Variants in PRR14L observed in about 807,000 individuals in gnomAD.
PRR14L encodes proline rich 14 like.
In PRR14L, 80 loss-of-function variants were observed where a neutral mutation model predicts 155.0. The ratio of observed to expected loss-of-function variants is 0.52; its 90% CI spans 0.43 to 0.62. The LOEUF is 0.62. PRR14L is among the 20% of genes least tolerant of loss of function. The probability of loss-of-function intolerance (pLI) is 0.00; values close to 1 mark genes in which losing one functional copy is unlikely to be tolerated. For missense variants in PRR14L, 2,469 were observed against 2,548.0 expected (o/e 0.97, Z 0.67); for synonymous variants, 883 against 916.0 (o/e 0.96, Z 0.65).
At position 31,714,506 on chromosome 22, in the gene PRR14L, C is replaced by T. The variant is rs1318328111; in HGVS notation, c.3333G>A (p.Gln1111=). The part of the protein sequence containing the change: ...LDAAHTGTTG[Q]DSDFPVTAAS... Reference sequence around the variant, plus strand: ...CAGCAGTAACTGGGAAATCTGAATCCTGACCAGTTGTTCCTGTATGTGCAG... The same window carrying T: ...CAGCAGTAACTGGGAAATCTGAATCTTGACCAGTTGTTCCTGTATGTGCAG... Residue 1111 remains glutamine, a synonymous_variant, in exon 4 of 9, where the codon CAG becomes CAA. Transcript: ENST00000327423. 5.8e-6 allele frequency: 9 copies of T among 1,552,146 alleles called. No homozygotes were observed. The South Asian group carries it at 8.3e-5, about 14-fold the overall frequency.
At chr22:31,707,833 T>C (rs1405005437) in intron 4 of PRR14L, among the ~76,000 whole-genome samples, 1 of 152,222 alleles carries the variant, frequency 6.6e-6, no homozygotes, top group Non-Finnish European at 1.5e-5. Flanking sequence ...CATGGCTGTC[T>C]TTATAATAAG....
chr22:31,724,006 G>A (rs1365398852), intron 3 of PRR14L, among the ~76,000 whole-genome samples: 3 of 152,134 alleles, frequency 2.0e-5, no homozygotes, highest in East Asian at 1.9e-4. Flanking sequence ...CCTGAGCTCC[G>A]CCTCCTGCCA....
At position 31,738,652 on chromosome 22, in the gene PRR14L, G is replaced by A. The variant is rs1328108979; in HGVS notation, c.209C>T (p.Thr70Ile). The change falls in exon 2 of 9, where the codon ACT (threonine) becomes ATT (isoleucine). Residue 70 changes from threonine to isoleucine, a missense_variant. This residue lies in a region of PRR14L where 2,363 missense variants were observed against 2,371.6 expected (regional missense o/e 1.00). Coordinates refer to ENST00000327423, the MANE Select transcript of PRR14L (RefSeq NM_173566.3). ...TTCTTCACAACAACTCTCCACATGA[G>A]TCCTCTGCAGCTCCAAGGGCAATGC... ...NRALPLELQR[T>I]HVESCCEETY... 1.3e-5 allele frequency: 20 copies of A among 1,552,070 alleles called. No homozygotes were observed. The East Asian group carries it at 4.9e-4, about 38-fold the overall frequency.
rs149825466 is a variant in PRR14L at position 31,730,600 on chromosome 22, T to C, written c.475-4990A>G. Among the ~76,000 whole-genome samples, 43 of 152,352 alleles carry C rather than the reference T, an allele frequency of 2.8e-4. No homozygotes were observed. The East Asian group carries it at 7.7e-3, about 27-fold the overall frequency. On this transcript the variant is annotated intron_variant, in intron 2 of 8. Transcript: ENST00000327423. ...TCTATCACTTGGTTTGGGTGGATTC[T>C]GCCAGGTTTCTCCATTGTGAAGTTA...
intron 4 of PRR14L, among the ~76,000 whole-genome samples, chr22:31,707,388 A>AT (rs1335780794): frequency 1.3e-5 from 2 of 151,328 alleles, no homozygotes. Flanking sequence ...GGCACAACCT[A>AT]TTTTTTTTGG....
chr22:31,725,330 C>T (rs1241348575), intron 3 of PRR14L, among the ~76,000 whole-genome samples: 6 of 152,070 alleles, frequency 3.9e-5, no homozygotes, highest in African/African-American at 9.7e-5. Context: ...CACTTGAGCC[C>T]GGGAGGTTGA....
In PRR14L at chr22:31,712,806, C is replaced by T. The variant is rs1601503264; in HGVS notation, c.5033G>A (p.Gly1678Glu). 1 of 1,552,116 alleles carries T rather than the reference C, an allele frequency of 6.4e-7. No homozygotes were observed. The highest frequency in any genetic ancestry group is 2.4e-5 in the East Asian group (1 of 40,920). ...EQLNPYLAAS[G>E]WDKRPNSKPM... ...CTTACTGTTAGGCCTCTTATCCCAT[C>T]CACTAGCTGCCAAATATGGATTCAG... The change falls in exon 4 of 9, where the codon GGA becomes GAA. Residue 1678 changes from glycine to glutamate, a missense_variant. By Grantham distance (98) the Gly-to-Glu change is moderately conservative. This residue lies in a region of PRR14L where 2,363 missense variants were observed against 2,371.6 expected (regional missense o/e 1.00). Coordinates refer to ENST00000327423, the MANE Select transcript of PRR14L (RefSeq NM_173566.3).
intron 1 of PRR14L, among the ~76,000 whole-genome samples, chr22:31,743,733 C>T (rs1186069129): frequency 3.3e-5 from 5 of 150,866 alleles, no homozygotes; most frequent in African/African-American, 7.3e-5. Context: ...ACCTGGAAGG[C>T]GGAGGCTGCA....
chr22:31,684,684 T>C lies in PRR14L; in HGVS notation c.*843A>G, dbSNP rs2074473347. On this transcript the variant is annotated 3_prime_UTR_variant, in exon 9 of 9. Transcript: ENST00000327423. The stretch of plus-strand genomic sequence containing the variant: ...AACACATGAATAGGAAAAATGTCTC[T>C]TCCATGCAGCGATCAACTGGGTCAA... 2 of 152,174 alleles carry C rather than the reference T, an allele frequency of 1.3e-5. No individual in the cohort carries two copies. The highest frequency in any genetic ancestry group is 4.1e-4 in the South Asian group (2 of 4,830). The allele number at this position is 152,174 out of a possible 1,614,324, so 9.4% of individuals were successfully genotyped here.
rs945321879 is a variant in PRR14L at position 31,731,355 on chromosome 22, G to A, written c.475-5745C>T. On this transcript the variant is annotated intron_variant, in intron 2 of 8. Coordinates refer to ENST00000327423, the MANE Select transcript of PRR14L (RefSeq NM_173566.3). ...CGAGGTGGGCGGATCACGAGGTCAG[G>A]AGATTGAGACCATCCTGGCTAACAC... Among the ~76,000 whole-genome samples the A allele has an allele frequency of 7.9e-5, 12 of 152,036 alleles. 1 individual carries two copies. The South Asian group carries it at 1.9e-3, about 24-fold the overall frequency.
At chr22:31,726,192 G>A (rs1017179670) in intron 2 of PRR14L, among the ~76,000 whole-genome samples, 18 of 151,484 alleles carry the variant, frequency 1.2e-4, no homozygotes, top group Admixed American at 2.6e-4. Context: ...AAGACTGTGC[G>A]CGCTGTCAGC....
intron 2 of PRR14L, among the ~76,000 whole-genome samples, chr22:31,730,380 G>T (rs2074742170): frequency 6.6e-6 from 1 of 152,194 alleles, no homozygotes; most frequent in African/African-American, 2.4e-5. Context: ...GGAGGCGAAG[G>T]TTGCAGTGAG....
In PRR14L at chr22:31,725,527, GAAAT is replaced by G. The variant is rs2074711643; in HGVS notation, c.547+7_547+10del. The G allele has an allele frequency of 6.5e-7, 1 of 1,527,252 alleles. No homozygotes were observed. The highest frequency in any genetic ancestry group is 2.5e-5 in the East Asian group (1 of 40,802). The allele number at this position is 1,527,252 out of a possible 1,614,324, so 94.6% of individuals were successfully genotyped here. A position where few individuals can be genotyped will look rare whatever the true frequency, so the allele number is the denominator to read the frequency against. On this transcript the variant is annotated splice_region_variant and intron_variant, in intron 3 of 8. Transcript: ENST00000327423. ...AGTGGATAAAGGAAGAGATTTGAGA[GAAAT>G]AAATACCTTTGCTCCTTAGAAAATC...
rs563395435 is a variant in PRR14L, at chr22:31,738,632, C to T, written c.229G>A (p.Glu77Lys). ...LQRTHVESCC[E>K]ETYETLDHGS... ...TGATCCAAGGTCTCATAGGTTTCTTCACAACAACTCTCCACATGAGTCCTC... is the reference window on the plus strand; with the variant it reads ...TGATCCAAGGTCTCATAGGTTTCTTTACAACAACTCTCCACATGAGTCCTC... The change falls in exon 2 of 9, where the codon GAA (glutamate) becomes AAA (lysine). Residue 77 changes from glutamate (E) to lysine (K), a missense_variant. Physicochemically the swap from Glu to Lys is moderately conservative, Grantham distance 56. Transcript: ENST00000327423. The T allele has an allele frequency of 2.7e-5, 42 of 1,551,992 alleles. No homozygotes were observed. The highest frequency in any genetic ancestry group is 3.4e-5 in the Non-Finnish European group (39 of 1,147,102).
intron 1 of PRR14L, among the ~76,000 whole-genome samples, chr22:31,745,841 T>C (rs1352322126): frequency 7.8e-6 from 1 of 127,878 alleles, no homozygotes; most frequent in Non-Finnish European, 1.6e-5. Context: ...GGAGACTCAG[T>C]TTAAAAAAAA....
rs979686835 is a variant in PRR14L, at chr22:31,712,403, T to C, written c.5436A>G (p.Arg1812=). The C allele has an allele frequency of 1.9e-6, 3 of 1,592,326 alleles. No individual in the cohort carries two copies. The African/African-American group carries it at 4.0e-5, about 21-fold the overall frequency. ...DYGGTAIVQT[R]ADCSVLGLHT... Reference sequence around the variant, plus strand: ...GAAGGCCAAGGACAGAGCAGTCTGCTCTGGTCTGGACTATGGCAGTGCCTC... The same window carrying C: ...GAAGGCCAAGGACAGAGCAGTCTGCCCTGGTCTGGACTATGGCAGTGCCTC... Residue 1812 remains arginine (R), a synonymous_variant, in exon 4 of 9, where the codon AGA becomes AGG. Coordinates refer to ENST00000327423, the MANE Select transcript of PRR14L (RefSeq NM_173566.3).
rs540992965 is a variant in PRR14L at position 31,715,939 on chromosome 22, C to T, written c.1900G>A (p.Glu634Lys). The T allele has an allele frequency of 1.9e-5, 30 of 1,551,726 alleles. No individual in the cohort carries two copies. In the African/African-American group the frequency reaches 3.4e-4, roughly 18 times the overall value. Residue 634 changes from glutamate to lysine, a missense_variant, in exon 4 of 9, where the codon GAA becomes AAA. Physicochemically the swap from Glu to Lys is moderately conservative, Grantham distance 56. This residue lies in a region of PRR14L where 2,363 missense variants were observed against 2,371.6 expected (regional missense o/e 1.00). Coordinates refer to ENST00000327423, the MANE Select transcript of PRR14L (RefSeq NM_173566.3). ...ACCAGTTCATTGGTACAAGAAAGTT[C>T]ATTCATCTCACAGGCTATGCTCTGT... ...DEQSIACEMN[E>K]LSCTNELVVN...
intron 2 of PRR14L, among the ~76,000 whole-genome samples, chr22:31,730,946 GAATAATTCATC>G (rs1569500278): frequency 6.6e-6 from 1 of 152,048 alleles, no homozygotes; most frequent in Admixed American, 6.5e-5. Context: ...AGTAAGTGTC[GAATAATTCATC>G]ACTATCATTT....
intron 5 of PRR14L, 113 bp downstream of exon 5, chr22:31,704,542 G>C: frequency 1.4e-6 from 1 of 697,816 alleles, no homozygotes; most frequent in South Asian, 1.9e-5. Flanking sequence ...AGGTTTACAA[G>C]GACAAGAGGT....
Sources: gnomAD v4.1 joint callset for allele counts (sites outside exome capture counted in the v4.1 genomes callset) on GRCh38, gnomAD v4.1.1 for gene constraint, gnomAD v4.1.1 regional missense constraint, MANE v1.5 for transcripts, NCBI Gene and HGNC (gene_info 2026-07-23, HGNC 2026-07-21) for gene names.